The following NIPA1 variants were observed in gnomAD, a reference collection of about 807,000 sequenced individuals.
NIPA1 encodes magnesium transporter NIPA1.
A neutral mutation model predicts 23.9 loss-of-function variants in NIPA1; 13 were observed. The ratio of observed to expected loss-of-function variants is 0.54; its 90% CI spans 0.35 to 0.87. The LOEUF (loss-of-function observed/expected upper bound fraction) is 0.87. Among genes scored for constraint, NIPA1 ranks in the 40% least tolerant of loss-of-function variants. The pLI, the probability that NIPA1 is intolerant of heterozygous loss-of-function variation, is 0.01. For synonymous variants in NIPA1, 234 were observed against 202.9 expected (o/e 1.15, Z -1.30); for missense variants, 362 against 429.7 (o/e 0.84, Z 1.39).
Position 22,812,223 on chromosome 15 carries a change from C to T in NIPA1, c.287C>T (p.Thr96Ile). ...AYTAVPTVLVTPLGALGVPFG... is the reference protein window; with the variant it reads ...AYTAVPTVLVIPLGALGVPFG... ...ACGGCGGTCCCCACGGTCCTGGTAACCCCCCTGGGCGCCCTTGGAGTACCG... is the reference window on the plus strand; with the variant it reads ...ACGGCGGTCCCCACGGTCCTGGTAATCCCCCTGGGCGCCCTTGGAGTACCG... The change falls in exon 3 of 5, where the codon ACC becomes ATC. Residue 96 changes from threonine to isoleucine, a missense_variant. Physicochemically the swap from Thr to Ile is moderately conservative, Grantham distance 89. Transcript: ENST00000337435. 1 of 1,613,266 alleles carries T rather than the reference C, an allele frequency of 6.2e-7. No individual in the cohort carries two copies.
chr15:22,824,209 G>A lies in NIPA1; in HGVS notation c.960G>A (p.Glu320=). The change falls in exon 5 of 5, where the codon GAG becomes GAA. Residue 320 remains glutamate (E), a synonymous_variant. Transcript: ENST00000337435. This position sits in a 1 kb window ranked among gnomAD's most constrained non-coding sequence, Gnocchi z 4.1. ...AAGAGTTCAATTTCAACCTTGGGGA[G>A]ATGAACAAATCTAATATGAAAACAG... is the stretch of plus-strand genomic sequence containing the variant. ...VFKEFNFNLG[E]MNKSNMKTD The A allele has an allele frequency of 6.2e-7, 1 of 1,613,512 alleles. No homozygotes were observed. Among genetic ancestry groups the A allele is most frequent in the Non-Finnish European group, 8.5e-7 (1 of 1,179,380 alleles).
At chr15:22,817,117 G>A (rs1022079223) in intron 3 of NIPA1, among the ~76,000 whole-genome samples, 28 of 147,098 alleles carry the variant, frequency 1.9e-4, no homozygotes, top group African/African-American at 6.9e-4. Flanking sequence ...AACCCAGGAG[G>A]TAGAGGTTAC....
chr15:22,796,238 T>C (rs1339655989), intron 1 of NIPA1, among the ~76,000 whole-genome samples: 1 of 151,960 alleles, frequency 6.6e-6, no homozygotes, highest in Non-Finnish European at 1.5e-5. Context: ...AAGGCTTTTC[T>C]AGGAGGGACT....
chr15:22,805,804 A>T (rs1895194393), intron 1 of NIPA1, among the ~76,000 whole-genome samples: 1 of 152,236 alleles, frequency 6.6e-6, no homozygotes, highest in Non-Finnish European at 1.5e-5. Flanking sequence ...TCTGTTGTTG[A>T]TGTTAGAAGC....
rs1895591543 is a variant in NIPA1, at chr15:22,823,731, T to G, written c.482T>G (p.Phe161Cys). 3.7e-6 allele frequency: 6 copies of G among 1,605,682 alleles called. No individual in the cohort carries two copies. Among genetic ancestry groups the G allele is most frequent in the Non-Finnish European group, 5.1e-6 (6 of 1,178,538 alleles). ...ELEEKLTNPV[F>C]VGYLCIVLLM... ...CTGTGTGCTGTCTGTGTTCCAGTGT[T>G]TGTGGGCTACCTGTGCATCGTGCTG... The change falls in exon 5 of 5, where the codon TTT becomes TGT. Residue 161 changes from phenylalanine to cysteine, a missense_variant. Physicochemically the swap from Phe to Cys is radical, Grantham distance 205. Transcript: ENST00000337435.
chr15:22,814,405 G>T (rs977889619), intron 3 of NIPA1, among the ~76,000 whole-genome samples: 2 of 151,994 alleles, frequency 1.3e-5, no homozygotes, highest in African/African-American at 4.8e-5. Context: ...GGGTTTGACC[G>T]TGTTGGCTGG....
intron 1 of NIPA1, among the ~76,000 whole-genome samples, chr15:22,801,821 T>C (rs1895089193): frequency 6.6e-6 from 1 of 152,068 alleles, no homozygotes; most frequent in African/African-American, 2.4e-5. Context: ...GGCTGTGACT[T>C]TTTATGTGTT....
At chr15:22,797,562 A>G (rs1393467926) in intron 1 of NIPA1, among the ~76,000 whole-genome samples, 1 of 131,184 alleles carries the variant, frequency 7.6e-6, no homozygotes, top group Non-Finnish European at 1.5e-5. Flanking sequence ...CCAGAGTGCA[A>G]TGGTGCAATC....
chr15:22,800,897 C>T (rs1263786200), intron 1 of NIPA1, among the ~76,000 whole-genome samples: 1 of 150,222 alleles, frequency 6.7e-6, no homozygotes, highest in Non-Finnish European at 1.5e-5. Flanking sequence ...CGCCACTGCA[C>T]TCCAGCCTGG....
At chr15:22,788,617 A>G (rs1019883918) in intron 1 of NIPA1, among the ~76,000 whole-genome samples, 2 of 152,138 alleles carry the variant, frequency 1.3e-5, no homozygotes, top group African/African-American at 4.8e-5. Context: ...GATGTAAGAC[A>G]TTAGGGAAAA....
rs1895641935 is a variant in NIPA1 at position 22,825,960 on chromosome 15, G to A, written c.*1721G>A. ...TTCACCACGGTATCATGTACTTCAT[G>A]GCCAGTGTTTTATCTCAGCAGGGAA... On this transcript the variant is annotated 3_prime_UTR_variant, in exon 5 of 5. Coordinates refer to ENST00000337435, the MANE Select transcript of NIPA1 (RefSeq NM_144599.5). The A allele has an allele frequency of 6.6e-6, 1 of 152,476 alleles. No individual in the cohort carries two copies. The highest frequency in any genetic ancestry group is 2.4e-5 in the African/African-American group (1 of 41,414). 9.4% of individuals were successfully genotyped at this position (152,476 alleles called of 1,614,324 possible). A position where few individuals can be genotyped will look rare whatever the true frequency, so the allele number is the denominator to read the frequency against.
chr15:22,801,615 C>G lies in NIPA1; in HGVS notation c.179-9134C>G, dbSNP rs144074093. ...ACTGCAACTTCCACCTCCCGGGGTT[C>G]AAGCAGTTCTCCTGCCTCAGCCTCC... On this transcript the variant is annotated intron_variant, in intron 1 of 4. Coordinates refer to ENST00000337435, the MANE Select transcript of NIPA1 (RefSeq NM_144599.5). Among the ~76,000 whole-genome samples the G allele has an allele frequency of 2.0e-3, 303 of 148,838 alleles. 6 individuals are homozygous for G. In the East Asian group the frequency reaches 0.032, roughly 16 times the overall value.
At position 22,824,146 on chromosome 15, in the gene NIPA1, G is replaced by T. The variant is rs368507906; in HGVS notation, c.897G>T (p.Thr299=). Residue 299 remains threonine (T), a synonymous_variant, in exon 5 of 5, where the codon ACG becomes ACT. Transcript: ENST00000337435. This position sits in a 1 kb window ranked among gnomAD's most constrained non-coding sequence, Gnocchi z 4.1. ...TCTTGGGGATGGCCTGTGGATTCAC[G>T]ACCGTCTCCGTGGGGATTGTCCTTA... is the stretch of plus-strand genomic sequence containing the variant. ...VDFLGMACGF[T]TVSVGIVLIQ... The T allele has an allele frequency of 2.5e-6, 4 of 1,613,742 alleles. No individual in the cohort carries two copies. The highest frequency in any genetic ancestry group is 3.3e-5 in the Admixed American group (2 of 60,004).
rs965636884 is a variant in NIPA1 at position 22,806,067 on chromosome 15, G to A, written c.179-4682G>A. Among the ~76,000 whole-genome samples, 4 of 152,090 alleles carry A rather than the reference G, an allele frequency of 2.6e-5. No homozygotes were observed. In the South Asian group the frequency reaches 8.3e-4, roughly 32 times the overall value. ...GCCTCCCGAATAGCTGGGACTACAG[G>A]CGCCCGCCACCACGCCCAGCTAATT... On this transcript the variant is annotated intron_variant, in intron 1 of 4. Transcript: ENST00000337435.
chr15:22,813,205 C>T lies in NIPA1; in HGVS notation c.317+952C>T, dbSNP rs995444592. 1.1e-4 allele frequency among the ~76,000 whole-genome samples: 16 copies of T among 152,092 alleles called. No homozygotes were observed. The East Asian group carries it at 2.3e-3, about 22-fold the overall frequency. Reference sequence around the variant, plus strand: ...GGGCTGGCATGGAGTGAAGTTTTTGCCCATGCCAAGGGACTGAGGACTCTG... The same window carrying T: ...GGGCTGGCATGGAGTGAAGTTTTTGTCCATGCCAAGGGACTGAGGACTCTG... On this transcript the variant is annotated intron_variant, in intron 3 of 4. Coordinates refer to ENST00000337435, the MANE Select transcript of NIPA1 (RefSeq NM_144599.5).
intron 3 of NIPA1, chr15:22,819,195 G>A (rs34681710): frequency 0.015 from 2,274 of 152,316 alleles, 35 homozygotes; most frequent in Non-Finnish European, 0.026. Context: ...CTGTGGGTGT[G>A]TCATGACCGT....
At chr15:22,791,475 C>CTTTTTTTTTTT (rs11428709) in intron 1 of NIPA1, among the ~76,000 whole-genome samples, 3 of 18,084 alleles carry the variant, frequency 1.7e-4, no homozygotes, top group Admixed American at 8.7e-4. Flanking sequence ...TCCTCTTTCA[C>CTTTTTTTTTTT]TTTTTTTTTT....
chr15:22,800,877 G>A (rs1427701152), intron 1 of NIPA1, among the ~76,000 whole-genome samples: 1 of 151,088 alleles, frequency 6.6e-6, no homozygotes, highest in Non-Finnish European at 1.5e-5. Flanking sequence ...CTTGCAGTGA[G>A]CTGAGATCAC....
intron 4 of NIPA1, 119 bp downstream of exon 4, chr15:22,820,592 T>A: frequency 1.2e-6 from 1 of 808,896 alleles, no homozygotes; most frequent in Non-Finnish European, 2.2e-6. Context: ...TCCACCCTGA[T>A]CTGTTACTGT....
Sources: allele counts gnomAD v4.1 joint callset (sites outside exome capture counted in the v4.1 genomes callset), GRCh38; gene constraint gnomAD v4.1.1; non-coding constraint Gnocchi (gnomAD v3.1); transcripts MANE v1.5; gene names NCBI Gene and HGNC (gene_info 2026-07-23, HGNC 2026-07-21).